MADD: variants seen among roughly 807,000 people sequenced by gnomAD.
The protein encoded by MADD is MAP kinase activating death domain.
MADD carries 109 observed loss-of-function variants against 176.7 expected under a neutral mutation model. The observed-to-expected ratio is 0.62, with a 90% CI of 0.53 to 0.72. MADD has a LOEUF of 0.72. Among genes scored for constraint, MADD ranks in the 30% least tolerant of loss-of-function variants. MADD has a pLI of 0.00. For synonymous variants in MADD, 771 were observed against 771.3 expected, an observed-to-expected ratio of 1.00 and a Z score of 0.01; for missense variants, 1,914 against 2,045.5, an observed-to-expected ratio of 0.94 and a Z score of 1.24.
At chr11:47,297,604 G>A (rs759269026) in intron 22 of MADD, among the ~76,000 whole-genome samples, 2 of 151,158 alleles carry the variant, frequency 1.3e-5, no homozygotes, top group Non-Finnish European at 2.9e-5. Flanking sequence ...CCGCCACCAC[G>A]CCCAGCTAAT....
chr11:47,280,129 A>G (rs545066363), intron 7 of MADD, among the ~76,000 whole-genome samples: 14 of 152,138 alleles, frequency 9.2e-5, no homozygotes, highest in African/African-American at 2.9e-4. Flanking sequence ...TTATTGATTG[A>G]TTTTCTTCTT....
intron 2 of MADD, among the ~76,000 whole-genome samples, chr11:47,274,194 A>G (rs2047647121): frequency 6.6e-6 from 1 of 152,238 alleles, no homozygotes; most frequent in Non-Finnish European, 1.5e-5. Flanking sequence ...TCGAGCAAAT[A>G]TACTCTTTAT....
At chr11:47,274,471 T>G in intron 2 of MADD, 92 bp from the exon 3 acceptor site, 1 of 1,063,888 alleles carries the variant, frequency 9.4e-7, no homozygotes, top group Admixed American at 2.1e-5. Flanking sequence ...TTATCCAAAA[T>G]AGCATCTTGA....
exon 27 of MADD, chr11:47,315,306 C>G (rs558747340): frequency 3.1e-6 from 5 of 1,612,906 alleles, no homozygotes; most frequent in Non-Finnish European, 2.5e-6. Flanking sequence ...CAGATACAAA[C>G]GGAGATATCT....
intron 22 of MADD, among the ~76,000 whole-genome samples, chr11:47,300,744 C>T (rs899307178): frequency 3.3e-5 from 5 of 152,104 alleles, no homozygotes; most frequent in South Asian, 4.1e-4. Context: ...GTGATCTGCC[C>T]GCCTCAGCCT....
intron 18 of MADD, 36 bp from the exon 20 acceptor site, chr11:47,290,574 A>G (rs146356262): frequency 5.9e-4 from 946 of 1,591,692 alleles, no homozygotes; most frequent in Non-Finnish European, 7.5e-4. Context: ...ATTCCTACTC[A>G]CTACTTCTCT....
intron 26 of MADD, among the ~76,000 whole-genome samples, chr11:47,314,580 C>T (rs1056931377): frequency 6.6e-6 from 1 of 152,126 alleles, no homozygotes; most frequent in African/African-American, 2.4e-5. Flanking sequence ...GCACTCCAGC[C>T]TGGATGACAG....
chr11:47,299,234 A>G (rs896951414), intron 22 of MADD, among the ~76,000 whole-genome samples: 17 of 152,228 alleles, frequency 1.1e-4, no homozygotes, highest in Non-Finnish European at 1.9e-4. Flanking sequence ...TAGGGATTGC[A>G]TTGAATCTGT....
intron 22 of MADD, among the ~76,000 whole-genome samples, chr11:47,308,314 CAG>C (rs1413192249): frequency 6.6e-6 from 1 of 152,272 alleles, no homozygotes. Flanking sequence ...TGTTGCTACA[CAG>C]AGAATTAATC....
intron 7 of MADD, 79 bp downstream of exon 7, chr11:47,279,158 C>T (rs1451769037): frequency 7.3e-7 from 1 of 1,360,780 alleles, no homozygotes. Context: ...TTCTCAGAGC[C>T]AATTTCCTAT....
At chr11:47,308,559 C>G in intron 22 of MADD, 32 bp from the exon 25 acceptor site, 1 of 1,552,074 alleles carries the variant, frequency 6.4e-7, no homozygotes, top group South Asian at 1.1e-5. Context: ...ATTGCTACCT[C>G]TGGCCACTGA....
intron 16 of MADD, 67 bp downstream of exon 17, chr11:47,289,560 T>C (rs1303449992): frequency 6.8e-6 from 9 of 1,319,228 alleles, no homozygotes; most frequent in South Asian, 1.2e-5. Flanking sequence ...TACAGAACTT[T>C]AGGGATGCTC....
At position 47,289,976 on chromosome 11, in the gene MADD, C is replaced by T. The variant is rs1000614627; in HGVS notation, c.2866C>T (p.Arg956Ter). 3 of 1,614,066 alleles carry T rather than the reference C, an allele frequency of 1.9e-6. No individual in the cohort carries two copies. Among genetic ancestry groups the T allele is most frequent in the Non-Finnish European group, 2.5e-6 (3 of 1,180,016 alleles). ...CCGGCTGCTGGAGAGCGAGCAGCTG[C>T]GAGTCTTTGTCCTGAGCAAGCTGAA... The change falls in exon 17 of 33, where the codon CGA becomes TGA. Residue 956 changes from arginine (R) to a stop codon, truncating the protein, a stop_gained. Transcript: ENST00000402192. LOFTEE classifies it high-confidence loss of function.
chr11:47,283,080 A>T, intron 10 of MADD, 111 bp downstream of exon 10: 1 of 889,914 alleles, frequency 1.1e-6, no homozygotes. Context: ...CAGTGTTTTT[A>T]ATTTTATTTT....
intron 22 of MADD, among the ~76,000 whole-genome samples, chr11:47,303,767 G>A (rs1015575071): frequency 1.3e-5 from 2 of 151,824 alleles, no homozygotes; most frequent in Admixed American, 6.6e-5. Flanking sequence ...CACCACGCTC[G>A]GCTAATTTTT....
At chr11:47,327,669 C>T (rs1334272018) in intron 31 of MADD, 1 of 985,320 alleles carries the variant, frequency 1.0e-6, no homozygotes, top group African/African-American at 1.7e-5. Flanking sequence ...TTGGGGGAAT[C>T]TTCCAACTCG....
Position 47,275,227 on chromosome 11 carries a change from G to T in MADD, c.659+68G>T, listed in dbSNP as rs967744773. 7.9e-6 allele frequency: 11 copies of T among 1,398,038 alleles called. No homozygotes were observed. The African/African-American group carries it at 1.6e-4, about 20-fold the overall frequency. The allele number at this position is 1,398,038 out of a possible 1,614,324, so 86.6% of individuals were successfully genotyped here. On this transcript the variant is annotated intron_variant, in intron 3 of 32. Coordinates refer to ENST00000402192, the Ensembl canonical transcript of MADD. Reference sequence around the variant, plus strand: ...ATTCCATGTAATTGGTCTTTGAGGGGCATAGGAAATTTCCTCTACAGCTCA... The same window carrying T: ...ATTCCATGTAATTGGTCTTTGAGGGTCATAGGAAATTTCCTCTACAGCTCA...
chr11:47,292,250 T>G (rs1424930177), intron 19 of MADD, among the ~76,000 whole-genome samples: 2 of 152,196 alleles, frequency 1.3e-5, no homozygotes, highest in Non-Finnish European at 2.9e-5. Flanking sequence ...CAGTTCCTCA[T>G]GCAAAAATGA....
At chr11:47,319,883 A>G (rs1444491569) in intron 27 of MADD, among the ~76,000 whole-genome samples, 5 of 150,384 alleles carry the variant, frequency 3.3e-5, no homozygotes, top group African/African-American at 1.2e-4. Context: ...TCCCAGCTAC[A>G]TGGGAGGCTG....
Sources: allele counts gnomAD v4.1 joint callset (sites outside exome capture counted in the v4.1 genomes callset), GRCh38; gene constraint gnomAD v4.1.1; transcripts MANE v1.5; gene names NCBI Gene and HGNC (gene_info 2026-07-23, HGNC 2026-07-21).